Variants in PDE4D observed in about 807,000 individuals in gnomAD.
PDE4D encodes the protein 3',5'-cyclic-AMP phosphodiesterase 4D.
In PDE4D, 24 loss-of-function variants were observed where a neutral mutation model predicts 87.4. That is an observed-to-expected ratio of 0.27 (90% CI 0.20 to 0.39). PDE4D has a LOEUF of 0.39. PDE4D is among the 10% of genes least tolerant of loss of function. The pLI is 1.00. For synonymous variants in PDE4D, 384 were observed against 383.2 expected (o/e 1.00, Z -0.02); for missense variants, 714 against 1,041.0 (o/e 0.69, Z 4.32).
intron 1 of PDE4D, among the ~76,000 whole-genome samples, chr5:59,540,759 A>T: frequency 6.6e-6 from 1 of 152,178 alleles, no homozygotes; most frequent in South Asian, 2.1e-4. Flanking sequence ...ATGAGTAAGA[A>T]ATCTTCTTTA....
intron 1 of PDE4D, among the ~76,000 whole-genome samples, chr5:59,700,903 A>G (rs1752464383): frequency 6.6e-6 from 1 of 152,202 alleles, no homozygotes; most frequent in Non-Finnish European, 1.5e-5. Context: ...GCCACCTTTT[A>G]CATTCCCAGC....
At position 59,893,346 on chromosome 5, in the gene PDE4D, C is replaced by T. The variant is rs1034636680; in HGVS notation, c.277G>A (p.Gly93Ser). ...GTGGCCCCGCTCGAGGCGTAGCGGC[C>T]GCGGGCAGCCCCGGGCGGCGGCGGG... ...PPPPPPGAAR[G>S]RYASSGATGR... The change falls in exon 1 of 15, where the codon GGC becomes AGC. Residue 93 changes from glycine to serine, a missense_variant. By Grantham distance (56) the Gly-to-Ser change is moderately conservative (BLOSUM62 0). Transcript: ENST00000340635. 1.1e-5 allele frequency: 16 copies of T among 1,449,694 alleles called. No individual in the cohort carries two copies. The highest frequency in any genetic ancestry group is 1.3e-5 in the Non-Finnish European group (14 of 1,094,442). 89.8% of individuals were successfully genotyped at this position (1,449,694 alleles called of 1,614,324 possible). A position where few individuals can be genotyped will look rare whatever the true frequency, so the allele number is the denominator to read the frequency against.
At chr5:59,833,442 T>A (rs2152700252) in intron 1 of PDE4D, among the ~76,000 whole-genome samples, 1 of 152,032 alleles carries the variant, frequency 6.6e-6, no homozygotes, top group African/African-American at 2.4e-5. Flanking sequence ...CAACAGTAAA[T>A]CACTGGGAGA....
chr5:59,392,637 C>T (rs541853841), intron 1 of PDE4D, among the ~76,000 whole-genome samples: 15 of 152,092 alleles, frequency 9.9e-5, no homozygotes, highest in Non-Finnish European at 1.9e-4. Context: ...AGCCTGCCAA[C>T]CCTGGCCTAT....
At chr5:59,694,375 A>G (rs1580470943) in intron 1 of PDE4D, among the ~76,000 whole-genome samples, 1 of 152,126 alleles carries the variant, frequency 6.6e-6, no homozygotes, top group Non-Finnish European at 1.5e-5. Context: ...CTCTATGTCT[A>G]TGTCTGGCAC....
At chr5:60,399,269 T>A (rs1013903770) in intron 1 of PDE4D, among the ~76,000 whole-genome samples, 7 of 152,208 alleles carry the variant, frequency 4.6e-5, no homozygotes, top group African/African-American at 1.7e-4. Context: ...GAAGGATATC[T>A]CTTTATATTT....
At chr5:59,946,831 A>G (rs2152802017) in intron 3 of PDE4D, among the ~76,000 whole-genome samples, 1 of 152,356 alleles carries the variant, frequency 6.6e-6, no homozygotes, top group Non-Finnish European at 1.5e-5. Context: ...CTGAAGGGCC[A>G]GTAACTCATT....
chr5:59,430,904 C>T (rs952228046), intron 1 of PDE4D, among the ~76,000 whole-genome samples: 7 of 152,044 alleles, frequency 4.6e-5, no homozygotes, highest in African/African-American at 1.7e-4. Flanking sequence ...GAATATTGTT[C>T]ACTAAACTGT....
At chr5:60,205,608 G>T (rs372513190) in intron 1 of PDE4D, among the ~76,000 whole-genome samples, 5 of 152,106 alleles carry the variant, frequency 3.3e-5, no homozygotes, top group African/African-American at 1.2e-4. Flanking sequence ...CAATAGGGTG[G>T]GGCATGGTGG....
chr5:60,075,273 T>C (rs1180818939), intron 2 of PDE4D, among the ~76,000 whole-genome samples: 1 of 152,226 alleles, frequency 6.6e-6, no homozygotes, highest in Non-Finnish European at 1.5e-5. Flanking sequence ...TTATGACACT[T>C]AGTTTGGGCA....
intron 3 of PDE4D, among the ~76,000 whole-genome samples, chr5:59,977,597 G>C (rs1761473598): frequency 6.6e-6 from 1 of 152,310 alleles, no homozygotes; most frequent in Non-Finnish European, 1.5e-5. Context: ...GGAGTGTGAA[G>C]TGAAGCAGCA....
At chr5:60,400,793 G>A (rs1012152752) in intron 1 of PDE4D, among the ~76,000 whole-genome samples, 5 of 152,134 alleles carry the variant, frequency 3.3e-5, no homozygotes, top group South Asian at 2.1e-4. Context: ...TTAGCCGGGC[G>A]TGGTGGCAGG....
At chr5:59,666,556 T>C (rs1402792734) in intron 1 of PDE4D, among the ~76,000 whole-genome samples, 3 of 152,214 alleles carry the variant, frequency 2.0e-5, no homozygotes, top group Admixed American at 6.5e-5. Flanking sequence ...AGCAGGTTTT[T>C]AAAAGCTATT....
At chr5:60,279,229 G>A (rs1751656477) in intron 1 of PDE4D, among the ~76,000 whole-genome samples, 3 of 152,142 alleles carry the variant, frequency 2.0e-5, no homozygotes, top group Admixed American at 6.6e-5. Flanking sequence ...TTATCATAGG[G>A]CAGTGGTGAA....
At chr5:59,896,461 C>A (rs981865051), upstream of PDE4D, among the ~76,000 whole-genome samples, 3 of 152,014 alleles carry the variant, frequency 2.0e-5, no homozygotes, top group African/African-American at 7.2e-5. Flanking sequence ...ACACAAAGAC[C>A]CAGGCTCCAT....
At chr5:58,991,722 A>G (rs1747961952) in intron 8 of PDE4D, 110 bp downstream of exon 8, 1 of 620,272 alleles carries the variant, frequency 1.6e-6, no homozygotes, top group East Asian at 3.7e-5. Context: ...AAAAGAAAAA[A>G]AAAAAACCCC....
chr5:60,417,748 T>C (rs1472369539), intron 1 of PDE4D, among the ~76,000 whole-genome samples: 1 of 152,200 alleles, frequency 6.6e-6, no homozygotes, highest in African/African-American at 2.4e-5. Context: ...TGGGCTCTTT[T>C]GAGTGTTGAT....
intron 1 of PDE4D, among the ~76,000 whole-genome samples, chr5:59,244,010 T>C (rs1758251731): frequency 6.6e-6 from 1 of 152,104 alleles, no homozygotes; most frequent in Non-Finnish European, 1.5e-5. Flanking sequence ...ATTGAATAAA[T>C]CATTTTATTA....
At chr5:59,262,185 A>G (rs918639271) in intron 1 of PDE4D, among the ~76,000 whole-genome samples, 6 of 151,946 alleles carry the variant, frequency 3.9e-5, no homozygotes, top group African/African-American at 1.4e-4. Flanking sequence ...CGAGTGCTGT[A>G]TATTTCACCA....
Sources: allele counts gnomAD v4.1 joint callset (sites outside exome capture counted in the v4.1 genomes callset), GRCh38; gene constraint gnomAD v4.1.1; transcripts MANE v1.5; gene names NCBI Gene and HGNC (gene_info 2026-07-23, HGNC 2026-07-21).